Variants in EEPD1 observed in about 807,000 individuals in gnomAD.
EEPD1 encodes endonuclease/exonuclease/phosphatase family domain-containing protein 1.
A neutral mutation model predicts 46.3 loss-of-function variants in EEPD1; 17 were observed. That is an observed-to-expected ratio of 0.37 (90% confidence interval 0.25 to 0.55). EEPD1 has a LOEUF of 0.55. EEPD1 is among the 20% of genes least tolerant of loss of function. The pLI, the probability that EEPD1 is intolerant of heterozygous loss-of-function variation, is 0.83. For missense variants in EEPD1, 673 were observed against 745.6 expected, an observed-to-expected ratio of 0.90 and a Z score of 1.13; for synonymous variants, 313 against 315.6, an observed-to-expected ratio of 0.99 and a Z score of 0.09.
chr7:36,198,342 G>GAAAAAAAAAAAAAAAGAAAAA (rs1785647347), intron 2 of EEPD1, among the ~76,000 whole-genome samples: 4 of 33,096 alleles, frequency 1.2e-4, no homozygotes, highest in Non-Finnish European at 2.2e-4. Flanking sequence ...AAAAAGAAAA[G>GAAAAAAAAAAAAAAAGAAAAA]AAAAAAAAAA....
intron 2 of EEPD1, among the ~76,000 whole-genome samples, chr7:36,227,315 C>T (rs1012670879): frequency 1.3e-5 from 2 of 152,222 alleles, no homozygotes; most frequent in African/African-American, 2.4e-5. Flanking sequence ...CCGCTAAGAA[C>T]AGTTACTGCC....
At chr7:36,272,510 T>TTTTTG (rs1787125247) in intron 3 of EEPD1, among the ~76,000 whole-genome samples, 1 of 149,962 alleles carries the variant, frequency 6.7e-6, no homozygotes, top group Non-Finnish European at 1.5e-5. Flanking sequence ...GTTGTTGTTT[T>TTTTTG]TTTTTTTTTT....
intron 3 of EEPD1, among the ~76,000 whole-genome samples, chr7:36,275,869 C>G (rs1231317790): frequency 1.3e-5 from 2 of 152,144 alleles, no homozygotes; most frequent in African/African-American, 4.8e-5. Context: ...GGTCCACAAG[C>G]AACATATCGG....
chr7:36,291,571 G>A (rs1004490100), intron 6 of EEPD1, among the ~76,000 whole-genome samples: 6 of 152,184 alleles, frequency 3.9e-5, no homozygotes, highest in African/African-American at 1.2e-4. Context: ...GGTGTGGGTG[G>A]CCCTGCAGGA....
chr7:36,248,256 G>A (rs1035134417), intron 3 of EEPD1, among the ~76,000 whole-genome samples: 9 of 151,082 alleles, frequency 6.0e-5, no homozygotes, highest in Non-Finnish European at 1.2e-4. Context: ...CCAGGCTGGA[G>A]TGCAGTGGTG....
At chr7:36,166,753 T>C (rs189210354) in intron 2 of EEPD1, among the ~76,000 whole-genome samples, 7 of 152,338 alleles carry the variant, frequency 4.6e-5, no homozygotes, top group East Asian at 1.9e-4. Context: ...TATTTAAATA[T>C]ATAAATTTCT....
At chr7:36,174,471 G>A (rs1297177709) in intron 2 of EEPD1, among the ~76,000 whole-genome samples, 1 of 152,228 alleles carries the variant, frequency 6.6e-6, no homozygotes, top group Admixed American at 6.5e-5. Flanking sequence ...AAGCATAGCT[G>A]TAATCCATTG....
chr7:36,179,750 G>A (rs1785241937), intron 2 of EEPD1, among the ~76,000 whole-genome samples: 1 of 151,376 alleles, frequency 6.6e-6, no homozygotes, highest in Non-Finnish European at 1.5e-5. Flanking sequence ...GCGCATGCCT[G>A]TGAGGATAAT....
chr7:36,243,394 C>T (rs775242350), intron 3 of EEPD1, among the ~76,000 whole-genome samples: 2 of 151,848 alleles, frequency 1.3e-5, no homozygotes, highest in Non-Finnish European at 1.5e-5. Context: ...AGTTCACCTG[C>T]GTCTTCCTTT....
At chr7:36,263,564 G>A (rs1786965957) in intron 3 of EEPD1, among the ~76,000 whole-genome samples, 1 of 152,190 alleles carries the variant, frequency 6.6e-6, no homozygotes, top group African/African-American at 2.4e-5. Flanking sequence ...GGGATCTTCA[G>A]GGGTCAGAAG....
At chr7:36,163,394 G>T (rs1462896119) in intron 2 of EEPD1, among the ~76,000 whole-genome samples, 2 of 152,024 alleles carry the variant, frequency 1.3e-5, no homozygotes, top group Non-Finnish European at 2.9e-5. Context: ...CCACTTGGTG[G>T]TAGAGGTTGT....
intron 2 of EEPD1, among the ~76,000 whole-genome samples, chr7:36,165,523 G>T (rs1234468364): frequency 7.1e-6 from 1 of 141,466 alleles, no homozygotes; most frequent in Non-Finnish European, 1.5e-5. Flanking sequence ...GGGTTCAAGC[G>T]ATTCTCCTTC....
At chr7:36,156,166 G>A (rs1289531521) in intron 2 of EEPD1, among the ~76,000 whole-genome samples, 1 of 152,158 alleles carries the variant, frequency 6.6e-6, no homozygotes, top group Non-Finnish European at 1.5e-5. Flanking sequence ...CTGAGTTGTT[G>A]GTGAGGCTGG....
At chr7:36,227,923 G>A (rs530486740) in intron 2 of EEPD1, among the ~76,000 whole-genome samples, 85 of 152,164 alleles carry the variant, frequency 5.6e-4, no homozygotes, top group African/African-American at 2.0e-3. Context: ...CCTGACCTCA[G>A]GTAATCCGCA....
At chr7:36,262,241 G>A (rs770507241) in intron 3 of EEPD1, among the ~76,000 whole-genome samples, 1 of 152,152 alleles carries the variant, frequency 6.6e-6, no homozygotes, top group Admixed American at 6.5e-5. Flanking sequence ...TTGGGAGGGT[G>A]AAGTGCGGAG....
intron 5 of EEPD1, among the ~76,000 whole-genome samples, chr7:36,285,888 C>G (rs561727850): frequency 5.3e-5 from 8 of 152,292 alleles, no homozygotes; most frequent in East Asian, 3.9e-4. Context: ...CTGGGGGTAT[C>G]TGTCACACCC....
intron 2 of EEPD1, among the ~76,000 whole-genome samples, chr7:36,176,204 C>T (rs1440925491): frequency 1.3e-5 from 2 of 152,222 alleles, no homozygotes; most frequent in Non-Finnish European, 2.9e-5. Flanking sequence ...CTGAGAAAGG[C>T]CCCTGGGAAG....
chr7:36,282,144 A>G (rs966301127), intron 4 of EEPD1, among the ~76,000 whole-genome samples: 3 of 152,170 alleles, frequency 2.0e-5, no homozygotes, highest in Non-Finnish European at 2.9e-5. Flanking sequence ...ACATTCAGAG[A>G]AGGCTGGAGA....
chr7:36,156,544 TGAG>T (rs774125884), intron 2 of EEPD1, among the ~76,000 whole-genome samples: 7 of 152,086 alleles, frequency 4.6e-5, no homozygotes, highest in South Asian at 2.1e-4. Flanking sequence ...GAATGGGAAA[TGAG>T]GAGGGGAGAG....
Sources: allele counts gnomAD v4.1 joint callset (sites outside exome capture counted in the v4.1 genomes callset), GRCh38; gene constraint gnomAD v4.1.1; transcripts MANE v1.5; gene names NCBI Gene and HGNC (gene_info 2026-07-23, HGNC 2026-07-21).